MSI1: variants seen among roughly 807,000 people sequenced by gnomAD.
The protein encoded by MSI1 is musashi RNA binding protein 1.
Under a neutral mutation model 54.4 loss-of-function variants are expected in MSI1, and 15 were observed. The observed-to-expected ratio is 0.28, with a 90% CI of 0.18 to 0.42. MSI1 has a LOEUF of 0.42. Among genes scored for constraint, MSI1 ranks in the 20% least tolerant of loss-of-function variants. The probability of loss-of-function intolerance (pLI) is 1.00; values close to 1 mark genes in which losing one functional copy is unlikely to be tolerated. For missense variants in MSI1, 304 were observed against 506.0 expected, an observed-to-expected ratio of 0.60 and a Z score of 3.83; for synonymous variants, 200 against 196.5, an observed-to-expected ratio of 1.02 and a Z score of -0.15.
At chr12:120,346,051 C>A (rs2136897147) in intron 13 of MSI1, 84 bp downstream of exon 13, 2 of 1,249,122 alleles carry the variant, frequency 1.6e-6, no homozygotes, top group Admixed American at 2.9e-5. Flanking sequence ...CCCCCAGAGA[C>A]AAAGAAGTTC....
chr12:120,352,063 G>C (rs1171543115), intron 10 of MSI1, among the ~76,000 whole-genome samples: 14 of 148,008 alleles, frequency 9.5e-5, no homozygotes, highest in Admixed American at 8.8e-4. Flanking sequence ...TGCTGCCCAG[G>C]CTGGAATGCA....
chr12:120,339,764 C>A (rs1873606453), downstream of MSI1, among the ~76,000 whole-genome samples: 1 of 151,560 alleles, frequency 6.6e-6, no homozygotes, highest in African/African-American at 2.4e-5. Context: ...TGATTCTGTG[C>A]AGGCCCTTGT....
intron 14 of MSI1, 128 bp downstream of exon 14, chr12:120,345,442 T>TA (rs1874030288): frequency 1.9e-5 from 14 of 743,464 alleles, no homozygotes; most frequent in Non-Finnish European, 3.2e-5. Flanking sequence ...CCACAGCTGG[T>TA]ATAAAGATCT....
intron 6 of MSI1, among the ~76,000 whole-genome samples, chr12:120,359,946 TC>T (rs2136965789): frequency 6.6e-6 from 1 of 152,052 alleles, no homozygotes; most frequent in East Asian, 1.9e-4. Flanking sequence ...ACCAGCCTCT[TC>T]CCTACTCTCC....
intron 4 of MSI1, 32 bp from the exon 5 acceptor site, chr12:120,364,787 T>C (rs751599920): frequency 5.6e-5 from 88 of 1,580,622 alleles, no homozygotes; most frequent in Non-Finnish European, 7.2e-5. Flanking sequence ...GAAGGGGTCT[T>C]GGTTATCGCA....
rs11065091 is a variant in MSI1, at chr12:120,353,134, G to T, written c.733+165C>A. On this transcript the variant is annotated intron_variant, in intron 10 of 14. Transcript: ENST00000257552. Reference sequence around the variant, plus strand: ...TCCCCAGCTTCTGGGGAGGGGTTTGGGGGGGATGGGTGGGGAGAGGCCCTC... The same window carrying T: ...TCCCCAGCTTCTGGGGAGGGGTTTGTGGGGGATGGGTGGGGAGAGGCCCTC... Among the ~76,000 whole-genome samples the T allele has an allele frequency of 5.3e-5, 8 of 151,712 alleles. No homozygotes were observed. In the South Asian group the frequency reaches 8.3e-4, roughly 16 times the overall value.
intron 4 of MSI1, among the ~76,000 whole-genome samples, chr12:120,366,608 A>G (rs941753451): frequency 1.3e-5 from 2 of 152,086 alleles, no homozygotes; most frequent in Non-Finnish European, 2.9e-5. Flanking sequence ...CTCCACTGTG[A>G]CTCACAGCTG....
downstream of MSI1, among the ~76,000 whole-genome samples, chr12:120,339,993 G>T (rs1056962661): frequency 1.3e-5 from 2 of 151,696 alleles, no homozygotes; most frequent in African/African-American, 4.8e-5. Context: ...TATCACCCAG[G>T]CAAGTCTCGA....
At position 120,360,186 on chromosome 12, in the gene MSI1, T is replaced by C. The variant is rs571391785; in HGVS notation, c.403-1133A>G. Among the ~76,000 whole-genome samples, 8 of 152,286 alleles carry C rather than the reference T, an allele frequency of 5.3e-5. No homozygotes were observed. The East Asian group carries it at 1.5e-3, about 29-fold the overall frequency. On this transcript the variant is annotated intron_variant, in intron 6 of 14. Transcript: ENST00000257552. Reference sequence around the variant, plus strand: ...TTTTAGTAGAGATGGGGTTTCACCATGTTGGCCAGGCTGGTCTCGAACTCC... The same window carrying C: ...TTTTAGTAGAGATGGGGTTTCACCACGTTGGCCAGGCTGGTCTCGAACTCC...
intron 11 of MSI1, among the ~76,000 whole-genome samples, chr12:120,349,246 C>T (rs1874400639): frequency 6.6e-6 from 1 of 152,008 alleles, no homozygotes; most frequent in East Asian, 1.9e-4. Flanking sequence ...CAGGTGTGCA[C>T]CATCATGCCT....
At position 120,346,201 on chromosome 12, in the gene MSI1, C is replaced by G. The variant is rs373863588; in HGVS notation, c.981G>C (p.Ser327=). ...AELYGAANQD[S]GVSSYISAAS... ...CGGCGCTGATGTAACTGCTGACCCC[C>G]GAGTCCTGGTTGGCCGCCCCGTAGA... The change falls in exon 13 of 15, where the codon TCG becomes TCC. Residue 327 remains serine (S), a synonymous_variant. Transcript: ENST00000257552. 1.3e-6 allele frequency: 2 copies of G among 1,599,936 alleles called. No homozygotes were observed.
At chr12:120,363,523 C>T (rs1049403002) in intron 5 of MSI1, among the ~76,000 whole-genome samples, 3 of 151,580 alleles carry the variant, frequency 2.0e-5, no homozygotes, top group Non-Finnish European at 4.4e-5. Context: ...AACTCAGTGC[C>T]GACATTTTCC....
intron 9 of MSI1, 130 bp downstream of exon 9, chr12:120,356,772 C>T (rs1875159086): frequency 1.2e-6 from 1 of 835,604 alleles, no homozygotes; most frequent in Non-Finnish European, 1.9e-6. Context: ...GATCCCTTGT[C>T]CCCACTCCTG....
At chr12:120,358,950 G>T in intron 7 of MSI1, 55 bp downstream of exon 7, 1 of 1,545,478 alleles carries the variant, frequency 6.5e-7, no homozygotes, top group Non-Finnish European at 8.8e-7. Context: ...GTGACCTGCA[G>T]CCCCCTGGCT....
rs1398172589 is a variant in MSI1 at position 120,349,307 on chromosome 12, C to T, written c.791-1793G>A. 5.9e-5 allele frequency among the ~76,000 whole-genome samples: 9 copies of T among 152,200 alleles called. No homozygotes were observed. In the East Asian group the frequency reaches 1.5e-3, roughly 26 times the overall value. ...AGAGATGGGGTTTCACCATGTTGGC[C>T]AGGCTGGTCTCAAACTCTTGACCTC... On this transcript the variant is annotated intron_variant, in intron 11 of 14. Transcript: ENST00000257552.
intron 6 of MSI1, among the ~76,000 whole-genome samples, chr12:120,360,043 TG>T (rs1875498672): frequency 1.3e-5 from 2 of 152,078 alleles, no homozygotes; most frequent in Non-Finnish European, 2.9e-5. Context: ...TGGAGTTCTG[TG>T]GCATGATCTC....
chr12:120,343,847 C>G (rs1034483237), intron 14 of MSI1, among the ~76,000 whole-genome samples: 4 of 151,950 alleles, frequency 2.6e-5, no homozygotes, highest in Admixed American at 1.3e-4. Flanking sequence ...TCCCACAAGT[C>G]GAGGTATCCT....
rs1171568479 is a variant in MSI1 at position 120,368,364 on chromosome 12, G to A, written c.101-91C>T. 3.1e-6 allele frequency: 4 copies of A among 1,287,998 alleles called. No individual in the cohort carries two copies. Among genetic ancestry groups the A allele is most frequent in the South Asian group, 2.8e-5 (2 of 71,056 alleles). The allele number at this position is 1,287,998 out of a possible 1,614,324, so 79.8% of individuals were successfully genotyped here. On this transcript the variant is annotated intron_variant, in intron 2 of 14. Transcript: ENST00000257552. The surrounding 1 kb of genome is among the most constrained non-coding windows in gnomAD (Gnocchi z 6.6). ...GCCCCCGGTGACCCCGGAGCGGCCC[G>A]GCCGCCCCCGCGCCAAGCTGCCCGC...
chr12:120,363,162 G>A lies in MSI1; in HGVS notation c.310-27C>T, dbSNP rs765867353. 6.2e-6 allele frequency: 10 copies of A among 1,602,072 alleles called. No homozygotes were observed. The Admixed American group carries it at 1.5e-4, about 24-fold the overall frequency. ...TGTTAGGGGAGGGAATGAGAAAGTG[G>A]GCATCTGAGTCCTGTGGCCTACCGC... On this transcript the variant is annotated intron_variant, in intron 5 of 14. Transcript: ENST00000257552.
Sources: allele counts gnomAD v4.1 joint callset (sites outside exome capture counted in the v4.1 genomes callset), GRCh38; gene constraint gnomAD v4.1.1; non-coding constraint Gnocchi (gnomAD v3.1); transcripts MANE v1.5; gene names NCBI Gene and HGNC (gene_info 2026-07-23, HGNC 2026-07-21).